Variants in TBC1D5 observed in about 807,000 individuals in gnomAD.
The protein encoded by TBC1D5 is TBC1 domain family member 5.
In TBC1D5, 75 loss-of-function variants were observed where a neutral mutation model predicts 100.3. That is an observed-to-expected ratio of 0.75 (90% CI 0.62 to 0.91). TBC1D5 has a LOEUF of 0.91. Among genes scored for constraint, TBC1D5 ranks in the 40% least tolerant of loss-of-function variants. The pLI is 0.00. For synonymous variants in TBC1D5, 323 were observed against 325.6 expected (o/e 0.99, Z 0.09); for missense variants, 910 against 942.4 (o/e 0.97, Z 0.45).
intron 2 of TBC1D5, among the ~76,000 whole-genome samples, chr3:17,622,467 A>G (rs1026693635): frequency 6.6e-6 from 1 of 152,196 alleles, no homozygotes. Flanking sequence ...TATGTGGTAT[A>G]ACATCACAAT....
intron 2 of TBC1D5, among the ~76,000 whole-genome samples, chr3:17,524,950 A>G (rs2096113068): frequency 1.3e-5 from 2 of 152,150 alleles, no homozygotes; most frequent in Non-Finnish European, 2.9e-5. Flanking sequence ...GTAAAAAAAA[A>G]AAAATATGTA....
intron 2 of TBC1D5, among the ~76,000 whole-genome samples, chr3:17,592,849 T>C (rs1224666679): frequency 6.6e-6 from 1 of 152,154 alleles, no homozygotes; most frequent in Non-Finnish European, 1.5e-5. Flanking sequence ...ATAACTACTC[T>C]CCTTTTGAGA....
chr3:17,626,665 A>G (rs1400682341), intron 1 of TBC1D5, among the ~76,000 whole-genome samples: 1 of 152,182 alleles, frequency 6.6e-6, no homozygotes, highest in East Asian at 1.9e-4. Flanking sequence ...CAAGAGCTGC[A>G]AGTTGGAAAA....
intron 19 of TBC1D5, among the ~76,000 whole-genome samples, chr3:17,178,825 T>TA (rs955641970): frequency 3.5e-4 from 53 of 151,926 alleles, no homozygotes; most frequent in African/African-American, 1.2e-3. Flanking sequence ...TTTTTTTTTT[T>TA]AATAGAAACT....
intron 16 of TBC1D5, 73 bp from the exon 17 acceptor site, chr3:17,238,492 A>T: frequency 6.6e-7 from 1 of 1,505,078 alleles, no homozygotes; most frequent in Non-Finnish European, 8.9e-7. Context: ...TAATTGGTAT[A>T]AAAGCACACC....
chr3:17,740,603 CGT>C (rs1251858244), exon 1 of TBC1D5: 1 of 152,086 alleles, frequency 6.6e-6, no homozygotes, highest in Non-Finnish European at 1.5e-5. Context: ...TTTTAATTTA[CGT>C]GTGAAAAAAT....
At chr3:17,582,237 A>G (rs1423642448) in intron 2 of TBC1D5, among the ~76,000 whole-genome samples, 3 of 152,234 alleles carry the variant, frequency 2.0e-5, no homozygotes, top group African/African-American at 7.2e-5. Flanking sequence ...ACAGTTCTCA[A>G]TGAGTAAGAC....
At chr3:17,263,744 T>C (rs1275282032) in intron 15 of TBC1D5, among the ~76,000 whole-genome samples, 1 of 152,202 alleles carries the variant, frequency 6.6e-6, no homozygotes, top group Non-Finnish European at 1.5e-5. Context: ...ATGCAAGTTT[T>C]CTAGAAGAAA....
intron 20 of TBC1D5, 65 bp downstream of exon 21, chr3:17,167,684 G>T: frequency 7.0e-7 from 1 of 1,434,350 alleles, no homozygotes; most frequent in Non-Finnish European, 9.8e-7. Flanking sequence ...GGTGCTCCAT[G>T]CCCTGGGGGG....
At chr3:17,200,192 AC>A (rs1413337183) in intron 18 of TBC1D5, among the ~76,000 whole-genome samples, 2 of 152,254 alleles carry the variant, frequency 1.3e-5, no homozygotes, top group Non-Finnish European at 2.9e-5. Flanking sequence ...GTTCCTGTCT[AC>A]TGACCAAAGT....
intron 1 of TBC1D5, among the ~76,000 whole-genome samples, chr3:17,676,885 C>A (rs554744812): frequency 0.05 from 7,623 of 152,166 alleles, 607 homozygotes; most frequent in African/African-American, 0.17. Context: ...AAATCTGACA[C>A]AAACAAGAAA....
chr3:17,220,684 A>G (rs1435949892), intron 17 of TBC1D5, among the ~76,000 whole-genome samples: 1 of 151,796 alleles, frequency 6.6e-6, no homozygotes, highest in Non-Finnish European at 1.5e-5. Flanking sequence ...TTTTCCATGA[A>G]TTTTTCCTTT....
exon 7 of TBC1D5, chr3:17,404,755 G>A (rs781254374): frequency 7.5e-6 from 12 of 1,607,246 alleles, no homozygotes; most frequent in African/African-American, 5.4e-5. Flanking sequence ...AACCTTCCTC[G>A]GGTTGGTAAT....
intron 8 of TBC1D5, among the ~76,000 whole-genome samples, chr3:17,395,711 C>T (rs2093484639): frequency 6.6e-6 from 1 of 152,094 alleles, no homozygotes. Flanking sequence ...TGTGCTGCCG[C>T]TATGTACTAC....
chr3:17,268,801 G>T (rs1043071300), intron 15 of TBC1D5, among the ~76,000 whole-genome samples: 4 of 152,074 alleles, frequency 2.6e-5, no homozygotes, highest in Non-Finnish European at 5.9e-5. Context: ...TCCATCAAGA[G>T]ACCATTCGGG....
rs547016189 is a variant in TBC1D5 at position 17,499,464 on chromosome 3, T to C, written c.97+9010A>G. On this transcript the variant is annotated intron_variant, in intron 3 of 21. Transcript: ENST00000253692. ...GGCTCACACCTGTAATCTCAGCACT[T>C]TGGGAGGCCCATGTGGGCGGATCAC... 1.2e-4 allele frequency among the ~76,000 whole-genome samples: 16 copies of C among 136,086 alleles called. No individual in the cohort carries two copies. The East Asian group carries it at 3.3e-3, about 28-fold the overall frequency. 89.3% of individuals were successfully genotyped at this position (136,086 alleles called of 152,430 possible). A position where few individuals can be genotyped will look rare whatever the true frequency, so the allele number is the denominator to read the frequency against.
chr3:17,441,793 A>G (rs2094663879), intron 3 of TBC1D5, among the ~76,000 whole-genome samples: 1 of 152,206 alleles, frequency 6.6e-6, no homozygotes, highest in Non-Finnish European at 1.5e-5. Flanking sequence ...TATTTATTTT[A>G]CTGAATTGCT....
intron 2 of TBC1D5, among the ~76,000 whole-genome samples, chr3:17,534,507 A>G (rs574075015): frequency 2.6e-5 from 4 of 152,326 alleles, no homozygotes; most frequent in African/African-American, 9.6e-5. Flanking sequence ...GTAGTAACAG[A>G]CTATCACTTC....
chr3:17,609,519 T>C (rs1424893331), intron 2 of TBC1D5, among the ~76,000 whole-genome samples: 1 of 152,216 alleles, frequency 6.6e-6, no homozygotes, highest in Non-Finnish European at 1.5e-5. Flanking sequence ...TCTGACTCTT[T>C]TTCTAATGTC....
Sources: allele counts gnomAD v4.1 joint callset (sites outside exome capture counted in the v4.1 genomes callset), GRCh38; gene constraint gnomAD v4.1.1; transcripts MANE v1.5; gene names NCBI Gene and HGNC (gene_info 2026-07-23, HGNC 2026-07-21).